GYS1: variants seen among roughly 807,000 people sequenced by gnomAD.
GYS1 encodes glycogen [starch] synthase, muscle.
Under a neutral mutation model 89.1 loss-of-function variants are expected in GYS1, and 60 were observed. The observed-to-expected ratio is 0.67, with a 90% CI of 0.55 to 0.84. The LOEUF is 0.84. Among genes scored for constraint, GYS1 ranks in the 40% least tolerant of loss-of-function variants. The probability of loss-of-function intolerance (pLI) is 0.00; values close to 1 mark genes in which losing one functional copy is unlikely to be tolerated. For synonymous variants in GYS1, 366 were observed against 401.7 expected, an observed-to-expected ratio of 0.91 and a Z score of 1.06; for missense variants, 888 against 1,003.1, an observed-to-expected ratio of 0.89 and a Z score of 1.55.
chr19:48,991,521 G>T lies in GYS1; in HGVS notation c.119-38C>A, dbSNP rs1472064487. Reference sequence around the variant, plus strand: ...GCGTGTGAGGGCAGGCCCCGGCCGAGGTCCATAGTTCTGGGGCCTGGGGTG... The same window carrying T: ...GCGTGTGAGGGCAGGCCCCGGCCGATGTCCATAGTTCTGGGGCCTGGGGTG... On this transcript the variant is annotated intron_variant, in intron 1 of 15. Coordinates refer to ENST00000323798, the MANE Select transcript of GYS1 (RefSeq NM_002103.5). This position sits in a 1 kb window ranked among gnomAD's most constrained non-coding sequence, Gnocchi z 4.7. The T allele has an allele frequency of 6.2e-7, 1 of 1,611,498 alleles. No homozygotes were observed. Among genetic ancestry groups the T allele is most frequent in the African/African-American group, 1.3e-5 (1 of 75,004 alleles).
At chr19:48,971,170 C>T in intron 12 of GYS1, 147 bp from the exon 13 acceptor site, 1 of 702,888 alleles carries the variant, frequency 1.4e-6, no homozygotes, top group African/African-American at 1.8e-5. Flanking sequence ...CACAACCAGG[C>T]TGTGCATTTC....
At position 48,980,091 on chromosome 19, in the gene GYS1, C is replaced by T. The variant is rs112018756; in HGVS notation, c.1169+1439G>A. Among the ~76,000 whole-genome samples the T allele has an allele frequency of 3.5e-3, 536 of 152,246 alleles. 4 individuals carry two copies. The highest frequency in any genetic ancestry group is 0.012 in the African/African-American group (515 of 41,538). On this transcript the variant is annotated intron_variant, in intron 8 of 15. Coordinates refer to ENST00000323798, the MANE Select transcript of GYS1 (RefSeq NM_002103.5). Reference sequence around the variant, plus strand: ...AGCTGGCACTACAGGTGCCCTCCATCTTGCCTCACTTTCTACCCCTTCTCT... The same window carrying T: ...AGCTGGCACTACAGGTGCCCTCCATTTTGCCTCACTTTCTACCCCTTCTCT...
intron 2 of GYS1, among the ~76,000 whole-genome samples, chr19:48,989,414 G>A (rs1475075474): frequency 1.3e-5 from 2 of 151,488 alleles, no homozygotes; most frequent in Admixed American, 6.6e-5. Flanking sequence ...CGCGGGAGGC[G>A]GAGGTTGCAG....
Position 48,991,861 on chromosome 19 carries a change from C to A in GYS1, c.119-378G>T, listed in dbSNP as rs2038936121. 6.6e-6 allele frequency among the ~76,000 whole-genome samples: 1 copy of A among 151,992 alleles called. No homozygotes were observed. The highest frequency in any genetic ancestry group is 2.1e-4 in the South Asian group (1 of 4,816). On this transcript the variant is annotated intron_variant, in intron 1 of 15. Transcript: ENST00000323798. This position sits in a 1 kb window ranked among gnomAD's most constrained non-coding sequence, Gnocchi z 4.7. ...GACTGACTACCCGGACTCAGGTTCC[C>A]GAGTTCCCAGCTCACAGGAGCTGGG...
At chr19:48,976,224 G>T (rs1017748510) in intron 10 of GYS1, among the ~76,000 whole-genome samples, 5 of 152,092 alleles carry the variant, frequency 3.3e-5, no homozygotes, top group Admixed American at 3.3e-4. Context: ...TTAGCCAAAA[G>T]CAGTTCACGT....
chr19:48,989,047 GCTTCCTTC>G (rs774487050), intron 2 of GYS1, among the ~76,000 whole-genome samples: 5 of 150,774 alleles, frequency 3.3e-5, no homozygotes, highest in East Asian at 1.9e-4. Context: ...TTCCTTCCTT[GCTTCCTTC>G]CTTCCTTCCT....
rs776808234 is a variant in GYS1, at chr19:48,982,268, T to C, written c.1049A>G (p.Asn350Ser). ...DVFLEALARL[N>S]YLLRVNGSEQ... ...CCCAGGCCTCACTCTGAGCAGATAG[T>C]TGAGCCGAGCCAATGCCTCCAGGAA... is the stretch of plus-strand genomic sequence containing the variant. Residue 350 changes from asparagine (N) to serine (S), a missense_variant, in exon 7 of 16, where the codon AAC (asparagine) becomes AGC (serine). Coordinates refer to ENST00000323798, the MANE Select transcript of GYS1 (RefSeq NM_002103.5). The C allele has an allele frequency of 1.9e-5, 31 of 1,613,688 alleles. No individual in the cohort carries two copies. In the East Asian group the frequency reaches 3.1e-4, roughly 16 times the overall value.
intron 2 of GYS1, among the ~76,000 whole-genome samples, chr19:48,990,012 G>C (rs959867193): frequency 5.3e-5 from 8 of 150,566 alleles, no homozygotes; most frequent in Non-Finnish European, 8.9e-5. Context: ...GGGGGGGGGG[G>C]GCTATTCTTA....
At chr19:48,969,730 C>T in intron 15 of GYS1, 45 bp downstream of exon 15, 7 of 1,598,090 alleles carry the variant, frequency 4.4e-6, no homozygotes, top group Non-Finnish European at 6.0e-6. Flanking sequence ...CACCGAAGCC[C>T]AGCCCTTTAG....
In GYS1 at chr19:48,982,825, G is replaced by T; in HGVS notation, c.836C>A (p.Pro279His). 1 of 1,603,754 alleles carries T rather than the reference G, an allele frequency of 6.2e-7. No homozygotes were observed. Among genetic ancestry groups the T allele is most frequent in the Non-Finnish European group, 8.5e-7 (1 of 1,170,558 alleles). Residue 279 changes from proline (P) to histidine (H), a missense_variant, in exon 6 of 16, where the codon CCC (proline) becomes CAC (histidine). Transcript: ENST00000323798. ...AAACTTCTTCACATTCAGCCCATTG[G>T]GGGTCACAATATCTGGGATTGGGGG... ...LLKRKPDIVT[P>H]NGLNVKKFSA...
intron 8 of GYS1, among the ~76,000 whole-genome samples, chr19:48,979,770 C>T (rs915361074): frequency 3.3e-5 from 5 of 150,754 alleles, no homozygotes; most frequent in Non-Finnish European, 7.4e-5. Flanking sequence ...CTTAGCCTCT[C>T]GAGTAGCTAG....
At chr19:48,988,365 G>A (rs1047063038) in intron 2 of GYS1, among the ~76,000 whole-genome samples, 1 of 151,856 alleles carries the variant, frequency 6.6e-6, no homozygotes, top group African/African-American at 2.4e-5. Context: ...ACAGGGTCTC[G>A]CTCTGTTGCC....
rs2038494699 is a variant in GYS1, at chr19:48,968,455, A to C, written c.*833T>G. 4.4e-6 allele frequency: 2 copies of C among 454,410 alleles called. No individual in the cohort carries two copies. Among genetic ancestry groups the C allele is most frequent in the African/African-American group, 2.0e-5 (1 of 49,990 alleles). 28.1% of individuals were successfully genotyped at this position (454,410 alleles called of 1,614,324 possible). On this transcript the variant is annotated 3_prime_UTR_variant, in exon 16 of 16. Coordinates refer to ENST00000323798, the MANE Select transcript of GYS1 (RefSeq NM_002103.5). ...ACAGTGGGCAGAGCAGTTGGGAATA[A>C]GCCAGGTTAGGGGTGGGGGAAGACA... is the stretch of plus-strand genomic sequence containing the variant.
At chr19:48,975,617 T>C (rs1221078841) in intron 10 of GYS1, among the ~76,000 whole-genome samples, 2 of 151,906 alleles carry the variant, frequency 1.3e-5, no homozygotes, top group African/African-American at 4.8e-5. Flanking sequence ...CTGGGAGTTG[T>C]AGTTTCCTTA....
In GYS1 at chr19:48,968,384, G is replaced by T. The variant is rs1189673412; in HGVS notation, c.*904C>A. The T allele has an allele frequency of 6.6e-6, 3 of 454,422 alleles. No homozygotes were observed. In the East Asian group the frequency reaches 2.1e-4, roughly 32 times the overall value. The allele number at this position is 454,422 out of a possible 1,614,324, so 28.1% of individuals were successfully genotyped here. ...AAAGGGATCAGTATGCAGTAACGTG[G>T]TAAGGTTCCAGATCTAGAAGCCAGG... is the stretch of plus-strand genomic sequence containing the variant. On this transcript the variant is annotated 3_prime_UTR_variant, in exon 16 of 16. Coordinates refer to ENST00000323798, the MANE Select transcript of GYS1 (RefSeq NM_002103.5).
Position 48,970,910 on chromosome 19 carries a change from A to C in GYS1, c.1645+18T>G. The C allele has an allele frequency of 6.3e-7, 1 of 1,593,728 alleles. No individual in the cohort carries two copies. Among genetic ancestry groups the C allele is most frequent in the Non-Finnish European group, 8.6e-7 (1 of 1,161,512 alleles). On this transcript the variant is annotated intron_variant, in intron 13 of 15. Transcript: ENST00000323798. ...TCTCAAGCCCCCTTCCAGAATCCTC[A>C]GGGGCCTGGGCGCTGACCGTAAGCT...
chr19:48,983,026 G>C (rs375626466), intron 5 of GYS1, among the ~76,000 whole-genome samples, 189 bp from the exon 6 acceptor site: 1 of 151,952 alleles, frequency 6.6e-6, no homozygotes, highest in East Asian at 1.9e-4. Flanking sequence ...TCTCTCTGTC[G>C]CTCAGGCTGG....
rs565875885 is a variant in GYS1 at position 48,983,968 on chromosome 19, G to A, written c.824-1131C>T. 1.4e-4 allele frequency among the ~76,000 whole-genome samples: 22 copies of A among 152,242 alleles called. No individual in the cohort carries two copies. In the South Asian group the frequency reaches 4.1e-3, roughly 29 times the overall value. On this transcript the variant is annotated intron_variant, in intron 5 of 15. Coordinates refer to ENST00000323798, the MANE Select transcript of GYS1 (RefSeq NM_002103.5). ...TTAGGTAAAAAAATGGTAACTGATG[G>A]TCCCCAGCTTAGGACTTAGGATGGT...
intron 8 of GYS1, among the ~76,000 whole-genome samples, chr19:48,980,912 C>A (rs11673052): frequency 0.37 from 55,756 of 150,486 alleles, 10,330 homozygotes; most frequent in Middle Eastern, 0.53. Flanking sequence ...GTCAGGAGTT[C>A]AAGACCAGCC....
Sources: allele counts gnomAD v4.1 joint callset (sites outside exome capture counted in the v4.1 genomes callset), GRCh38; gene constraint gnomAD v4.1.1; non-coding constraint Gnocchi (gnomAD v3.1); transcripts MANE v1.5; gene names NCBI Gene and HGNC (gene_info 2026-07-23, HGNC 2026-07-21).